SIMC1: variants seen among roughly 807,000 people sequenced by gnomAD.
The protein encoded by SIMC1 is SUMO-interacting motif-containing protein 1.
SIMC1 carries 55 observed loss-of-function variants against 82.3 expected under a neutral mutation model. That is an observed-to-expected ratio of 0.67 (90% CI 0.54 to 0.84). The LOEUF is 0.84. Ranked by LOEUF, SIMC1 falls within the 40% of genes least tolerant of loss-of-function variation. The probability of loss-of-function intolerance (pLI) is 0.00; values close to 1 mark genes in which losing one functional copy is unlikely to be tolerated. For missense variants in SIMC1, 915 were observed against 1,107.2 expected, an observed-to-expected ratio of 0.83 and a Z score of 2.46; for synonymous variants, 353 against 426.3, an observed-to-expected ratio of 0.83 and a Z score of 2.12.
At chr5:176,249,319 G>T (rs1761562030) in intron 1 of SIMC1, among the ~76,000 whole-genome samples, 3 of 152,008 alleles carry the variant, frequency 2.0e-5, no homozygotes, top group Admixed American at 2.0e-4. Context: ...CTTCTTCCTG[G>T]TTTAGTCTTG....
At chr5:176,293,897 A>C (rs886097862) in intron 2 of SIMC1, among the ~76,000 whole-genome samples, 7 of 152,132 alleles carry the variant, frequency 4.6e-5, no homozygotes, top group South Asian at 2.1e-4. Flanking sequence ...AAAAATCACC[A>C]CTAATTCTAC....
chr5:176,283,239 G>C (rs149587882), intron 1 of SIMC1, among the ~76,000 whole-genome samples: 378 of 152,298 alleles, frequency 2.5e-3, no homozygotes, highest in Admixed American at 4.6e-3. Context: ...CAACAAAGTT[G>C]AAATGAAGGA....
At chr5:176,252,443 G>A (rs1311626057) in intron 1 of SIMC1, among the ~76,000 whole-genome samples, 10 of 151,426 alleles carry the variant, frequency 6.6e-5, no homozygotes, top group Admixed American at 1.3e-4. Context: ...GGGCAGAGAC[G>A]CTCCTCACCT....
At chr5:176,317,985 T>A (rs1764991691) in intron 5 of SIMC1, among the ~76,000 whole-genome samples, 1 of 152,214 alleles carries the variant, frequency 6.6e-6, no homozygotes, top group African/African-American at 2.4e-5. Context: ...AGAGCCTGGT[T>A]ACAGAATTTT....
intron 1 of SIMC1, among the ~76,000 whole-genome samples, chr5:176,260,469 A>G (rs1761978855): frequency 6.6e-6 from 1 of 152,274 alleles, no homozygotes; most frequent in South Asian, 2.1e-4. Context: ...CTAAAAAGAA[A>G]TTTTAATAAA....
chr5:176,294,999 C>T, intron 2 of SIMC1, 31 bp from the exon 3 acceptor site: 1 of 1,581,960 alleles, frequency 6.3e-7, no homozygotes, highest in Non-Finnish European at 8.6e-7. Context: ...AAAGAAATCC[C>T]TCCTAATTTC....
chr5:176,318,653 A>G (rs563187003), intron 5 of SIMC1, among the ~76,000 whole-genome samples: 62 of 152,320 alleles, frequency 4.1e-4, no homozygotes, highest in African/African-American at 1.4e-3. Flanking sequence ...GTGTATAGGA[A>G]GTAAAGTTTT....
At position 176,276,071 on chromosome 5, in the gene SIMC1, G is replaced by A. The variant is rs188937530; in HGVS notation, c.130-13583G>A. 3.7e-3 allele frequency among the ~76,000 whole-genome samples: 565 copies of A among 151,640 alleles called. 8 individuals are homozygous for A. The highest frequency in any genetic ancestry group is 0.013 in the African/African-American group (537 of 41,282). ...GGTACCAGTTCCTCCTTGTACCTCTGGTAGAATTCGGCTGTGAATCCATCT... is the reference window on the plus strand; with the variant it reads ...GGTACCAGTTCCTCCTTGTACCTCTAGTAGAATTCGGCTGTGAATCCATCT... On this transcript the variant is annotated intron_variant, in intron 1 of 9. Coordinates refer to ENST00000429602, the MANE Select transcript of SIMC1 (RefSeq NM_001308195.2).
At chr5:176,245,854 C>T (rs2051191359) in intron 1 of SIMC1, among the ~76,000 whole-genome samples, 1 of 151,996 alleles carries the variant, frequency 6.6e-6, no homozygotes, top group Non-Finnish European at 1.5e-5. Context: ...AAGGGTGGCT[C>T]CAGTCCAAGG....
At chr5:176,268,755 TA>T (rs1211757898) in intron 1 of SIMC1, among the ~76,000 whole-genome samples, 1 of 152,182 alleles carries the variant, frequency 6.6e-6, no homozygotes, top group African/African-American at 2.4e-5. Flanking sequence ...TAGTTGATAA[TA>T]AAACTGGATC....
chr5:176,311,316 C>T (rs1039567608), intron 4 of SIMC1, among the ~76,000 whole-genome samples: 1 of 152,170 alleles, frequency 6.6e-6, no homozygotes. Flanking sequence ...TAGCTCATTG[C>T]AGCCATGACC....
At chr5:176,339,178 A>T (rs1384936290) in intron 9 of SIMC1, among the ~76,000 whole-genome samples, 1 of 152,136 alleles carries the variant, frequency 6.6e-6, no homozygotes, top group Non-Finnish European at 1.5e-5. Flanking sequence ...CCTGACCAAC[A>T]TGGTGAAACC....
chr5:176,334,904 C>T (rs1045439135), intron 7 of SIMC1, among the ~76,000 whole-genome samples: 1 of 151,850 alleles, frequency 6.6e-6, no homozygotes, highest in Non-Finnish European at 1.5e-5. Flanking sequence ...CCAGCCTGGC[C>T]AACATGGTGA....
chr5:176,340,699 C>T (rs1766098389), intron 9 of SIMC1, among the ~76,000 whole-genome samples: 1 of 152,200 alleles, frequency 6.6e-6, no homozygotes, highest in African/African-American at 2.4e-5. Flanking sequence ...CCTCACAGAG[C>T]TTACTGTTTA....
intron 1 of SIMC1, among the ~76,000 whole-genome samples, chr5:176,286,020 T>A (rs1330017755): frequency 6.6e-6 from 1 of 152,222 alleles, no homozygotes; most frequent in Non-Finnish European, 1.5e-5. Context: ...TCCATGCTCA[T>A]GGATAGGAGG....
At chr5:176,335,273 C>CTTTTTTTTTTTTTTTT (rs1225021593) in intron 7 of SIMC1, among the ~76,000 whole-genome samples, 1 of 98,670 alleles carries the variant, frequency 1.0e-5, no homozygotes, top group African/African-American at 3.9e-5. Flanking sequence ...TTCTTTGTAT[C>CTTTTTTTTTTTTTTTT]TTTTTTTTTT....
intron 1 of SIMC1, among the ~76,000 whole-genome samples, chr5:176,274,647 T>C (rs926150671): frequency 6.6e-6 from 1 of 151,914 alleles, no homozygotes; most frequent in African/African-American, 2.4e-5. Context: ...AGGTCTAACA[T>C]TTAAGTCTTT....
chr5:176,301,299 G>T (rs1296932786), intron 4 of SIMC1, among the ~76,000 whole-genome samples: 2 of 152,206 alleles, frequency 1.3e-5, no homozygotes, highest in South Asian at 4.1e-4. Context: ...CCCTACACAA[G>T]CTCTCTTGCC....
Position 176,295,136 on chromosome 5 carries a change from T to G in SIMC1, c.1538T>G (p.Phe513Cys). 1 of 1,613,650 alleles carries G rather than the reference T, an allele frequency of 6.2e-7. No homozygotes were observed. Among genetic ancestry groups the G allele is most frequent in the East Asian group, 2.2e-5 (1 of 44,856 alleles). The change falls in exon 3 of 10, where the codon TTT becomes TGT. Residue 513 changes from phenylalanine to cysteine, a missense_variant. By Grantham distance (205) the Phe-to-Cys change is radical (BLOSUM62 -2). Transcript: ENST00000429602. ...PLGTVQFLMD[F>C]VSPQHYPPRE... ...GGGACTGTGCAGTTTTTGATGGACT[T>G]TGTGTCACCCCAGCATTACCCACCA...
Sources: gnomAD v4.1 joint callset for allele counts (sites outside exome capture counted in the v4.1 genomes callset) on GRCh38, gnomAD v4.1.1 for gene constraint, MANE v1.5 for transcripts, NCBI Gene and HGNC (gene_info 2026-07-23, HGNC 2026-07-21) for gene names.